Variants in MRTFB observed in about 807,000 individuals in gnomAD.
MRTFB encodes myocardin-related transcription factor B.
MRTFB carries 29 observed loss-of-function variants against 104.2 expected under a neutral mutation model. The ratio of observed to expected loss-of-function variants is 0.28; its 90% CI spans 0.21 to 0.38. MRTFB has a LOEUF of 0.38. Among genes scored for constraint, MRTFB ranks in the 10% least tolerant of loss-of-function variants. The pLI is 1.00. For synonymous variants in MRTFB, 535 were observed against 519.5 expected, an observed-to-expected ratio of 1.03 and a Z score of -0.41; for missense variants, 1,270 against 1,341.6, an observed-to-expected ratio of 0.95 and a Z score of 0.83.
intron 4 of MRTFB, among the ~76,000 whole-genome samples, chr16:14,211,045 A>T (rs1156753299): frequency 6.6e-6 from 1 of 152,234 alleles, no homozygotes; most frequent in African/African-American, 2.4e-5. Context: ...GTTTCAAAAC[A>T]CTAGAAAGAA....
intron 9 of MRTFB, among the ~76,000 whole-genome samples, chr16:14,236,283 GA>G (rs1038103293): frequency 6.6e-6 from 1 of 152,196 alleles, no homozygotes; most frequent in African/African-American, 2.4e-5. Flanking sequence ...ATAAGTGGGG[GA>G]AAGTGTTTTC....
intron 3 of MRTFB, among the ~76,000 whole-genome samples, chr16:14,205,728 T>G (rs1405264647): frequency 6.6e-6 from 1 of 152,256 alleles, no homozygotes; most frequent in African/African-American, 2.4e-5. Context: ...TTGAACTGTT[T>G]AGTCCCCTGA....
At chr16:14,098,142 A>G (rs1450417566) in intron 2 of MRTFB, among the ~76,000 whole-genome samples, 1 of 152,136 alleles carries the variant, frequency 6.6e-6, no homozygotes, top group Non-Finnish European at 1.5e-5. Context: ...GTGTCTGTTT[A>G]ACTTTTTTTT....
At chr16:14,249,113 G>C in intron 13 of MRTFB, 32 bp downstream of exon 13, 1 of 1,604,836 alleles carries the variant, frequency 6.2e-7, no homozygotes, top group Non-Finnish European at 8.5e-7. Flanking sequence ...ATAGAATGTC[G>C]CTGATTTTTA....
At chr16:14,031,518 G>A in the MRTFB span, among the ~76,000 whole-genome samples, 1 of 152,056 alleles carries the variant, frequency 6.6e-6, no homozygotes, top group Non-Finnish European at 1.5e-5. Context: ...GATTAAATGA[G>A]TATTCGTATT....
chr16:14,072,390 G>T (rs2033762545), intron 1 of MRTFB, among the ~76,000 whole-genome samples: 1 of 152,176 alleles, frequency 6.6e-6, no homozygotes, highest in Non-Finnish European at 1.5e-5. Context: ...ATACTCTTGT[G>T]CTGGAAGACA....
At chr16:14,234,366 T>G in intron 9 of MRTFB, 83 bp downstream of exon 9, 1 of 1,473,610 alleles carries the variant, frequency 6.8e-7, no homozygotes, top group Non-Finnish European at 9.1e-7. Flanking sequence ...ACAAAGGCAT[T>G]TATCCAACTT....
chr16:14,195,611 C>T lies in MRTFB; in HGVS notation c.155-14632C>T, dbSNP rs186282689. 14 of 960,318 alleles carry T rather than the reference C, an allele frequency of 1.5e-5. No homozygotes were observed. In the African/African-American group the frequency reaches 2.3e-4, roughly 16 times the overall value. The allele number at this position is 960,318 out of a possible 1,614,324, so 59.5% of individuals were successfully genotyped here. Reference sequence around the variant, plus strand: ...GGAAAAATTGGAGGTAAACAATATTCCACTGTTTCCTGTTTCGTTAATTGT... The same window carrying T: ...GGAAAAATTGGAGGTAAACAATATTTCACTGTTTCCTGTTTCGTTAATTGT... On this transcript the variant is annotated intron_variant, in intron 3 of 16. Coordinates refer to ENST00000571589, the MANE Select transcript of MRTFB (RefSeq NM_001308142.2).
the MRTFB span, among the ~76,000 whole-genome samples, chr16:14,036,183 A>G: frequency 4.9e-5 from 6 of 122,984 alleles, no homozygotes; most frequent in African/African-American, 1.5e-4. Flanking sequence ...TATATATTAT[A>G]TAAAATACAT....
At chr16:14,196,547 T>A (rs544269573) in intron 3 of MRTFB, among the ~76,000 whole-genome samples, 1 of 152,362 alleles carries the variant, frequency 6.6e-6, no homozygotes, top group East Asian at 1.9e-4. Context: ...TATTTCCACT[T>A]GGTCTAGAGC....
intron 3 of MRTFB, among the ~76,000 whole-genome samples, chr16:14,191,151 T>C (rs1403169280): frequency 1.3e-5 from 2 of 152,242 alleles, no homozygotes; most frequent in African/African-American, 4.8e-5. Flanking sequence ...TACGCACATA[T>C]GGCTGCTTAA....
chr16:14,153,829 C>T (rs935403245), intron 3 of MRTFB, among the ~76,000 whole-genome samples: 1 of 152,030 alleles, frequency 6.6e-6, no homozygotes, highest in African/African-American at 2.4e-5. Flanking sequence ...TAAAGTTGTT[C>T]AAGTCTTCTA....
chr16:14,185,128 TGA>T (rs886230017), intron 3 of MRTFB, among the ~76,000 whole-genome samples: 5 of 152,334 alleles, frequency 3.3e-5, no homozygotes, highest in African/African-American at 1.2e-4. Context: ...AGGGCATTTT[TGA>T]GAGTGTGATA....
chr16:14,200,649 A>G, intron 3 of MRTFB: 3 of 1,566,406 alleles, frequency 1.9e-6, no homozygotes, highest in Non-Finnish European at 2.6e-6. Flanking sequence ...GTTGATGAAG[A>G]TGGAAAGAGC....
intron 9 of MRTFB, among the ~76,000 whole-genome samples, chr16:14,236,632 A>G (rs1804640652): frequency 6.6e-6 from 1 of 152,176 alleles, no homozygotes; most frequent in African/African-American, 2.4e-5. Context: ...TGAGGGTGTG[A>G]GCCATGAAGA....
At chr16:14,136,090 G>A (rs1393694132) in intron 2 of MRTFB, among the ~76,000 whole-genome samples, 1 of 152,052 alleles carries the variant, frequency 6.6e-6, no homozygotes, top group African/African-American at 2.4e-5. Flanking sequence ...GGCCAACATG[G>A]TGAGATCCCT....
At chr16:14,225,501 G>T (rs2041961223) in intron 8 of MRTFB, among the ~76,000 whole-genome samples, 1 of 152,148 alleles carries the variant, frequency 6.6e-6, no homozygotes, top group African/African-American at 2.4e-5. Flanking sequence ...TAGAATCTGT[G>T]AACAGGCATA....
chr16:14,191,600 A>G (rs1254338507), intron 3 of MRTFB, among the ~76,000 whole-genome samples: 1 of 152,162 alleles, frequency 6.6e-6, no homozygotes, highest in Non-Finnish European at 1.5e-5. Context: ...CCTGCATCTC[A>G]TAGACACATT....
At chr16:14,083,987 T>C (rs752750164) in intron 2 of MRTFB, among the ~76,000 whole-genome samples, 22 of 152,236 alleles carry the variant, frequency 1.4e-4, no homozygotes, top group Non-Finnish European at 2.9e-4. Context: ...CAATTTGATA[T>C]TCTTACTAAC....
Sources: allele counts gnomAD v4.1 joint callset (sites outside exome capture counted in the v4.1 genomes callset), GRCh38; gene constraint gnomAD v4.1.1; transcripts MANE v1.5; gene names NCBI Gene and HGNC (gene_info 2026-07-23, HGNC 2026-07-21).